Variants in CFAP54 observed in about 807,000 individuals in gnomAD.
The protein encoded by CFAP54 is cilia- and flagella-associated protein 54.
A neutral mutation model predicts 370.4 loss-of-function variants in CFAP54; 290 were observed. The observed-to-expected ratio is 0.78, with a 90% CI of 0.71 to 0.86. CFAP54 has a LOEUF of 0.86. Among genes scored for constraint, CFAP54 ranks in the 40% least tolerant of loss-of-function variants. The pLI is 0.00. For missense variants in CFAP54, 3,399 were observed against 3,528.7 expected, an observed-to-expected ratio of 0.96 and a Z score of 0.93; for synonymous variants, 1,206 against 1,236.5, an observed-to-expected ratio of 0.98 and a Z score of 0.52.
In CFAP54 at chr12:96,742,472, G is replaced by C. The variant is rs1477455041; in HGVS notation, c.7105G>C (p.Asp2369His). ...TENKDDSEFL[D>H]PISLNAREYF... ...AAATAAAGATGACAGTGAGTTTTTAGATCCTATTTCCCTAAATGCCCGAGA... is the reference window on the plus strand; with the variant it reads ...AAATAAAGATGACAGTGAGTTTTTACATCCTATTTCCCTAAATGCCCGAGA... The change falls in exon 52 of 68, where the codon GAT becomes CAT. Residue 2369 changes from aspartate to histidine, a missense_variant. Transcript: ENST00000524981. 8.1e-6 allele frequency: 13 copies of C among 1,599,728 alleles called. No homozygotes were observed. The highest frequency in any genetic ancestry group is 2.7e-5 in the African/African-American group (2 of 74,414).
At chr12:96,827,216 T>C (rs1469274571) in intron 65 of CFAP54, among the ~76,000 whole-genome samples, 1 of 22,752 alleles carries the variant, frequency 4.4e-5, no homozygotes, top group Admixed American at 6.0e-4. Context: ...CAGTTATATG[T>C]GATTATATAT....
intron 4 of CFAP54, among the ~76,000 whole-genome samples, chr12:96,511,114 GGTA>G (rs1435474795): frequency 6.6e-6 from 1 of 152,088 alleles, no homozygotes; most frequent in Admixed American, 6.6e-5. Context: ...AGGTGCTGGG[GGTA>G]GTCACATGAA....
chr12:96,737,496 G>GT (rs398039990), intron 50 of CFAP54, among the ~76,000 whole-genome samples: 53,219 of 143,378 alleles, frequency 0.37, 10,757 homozygotes, highest in East Asian at 0.68. Flanking sequence ...TATATGTTTT[G>GT]TTTTTTTTTT....
chr12:96,743,116 A>T (rs1334566432), intron 52 of CFAP54, among the ~76,000 whole-genome samples: 1 of 152,206 alleles, frequency 6.6e-6, no homozygotes, highest in East Asian at 1.9e-4. Context: ...ATTAATCATT[A>T]TCTATTTGTA....
chr12:96,826,469 T>A (rs1382137553), intron 65 of CFAP54, among the ~76,000 whole-genome samples: 1 of 120,206 alleles, frequency 8.3e-6, no homozygotes, highest in Non-Finnish European at 1.6e-5. Flanking sequence ...TACTATATAT[T>A]ATATAATATA....
chr12:96,860,951 C>A lies in CFAP54; in HGVS notation c.*13C>A. On this transcript the variant is annotated splice_region_variant and 3_prime_UTR_variant, in exon 67 of 68. Coordinates refer to ENST00000524981, the MANE Select transcript of CFAP54 (RefSeq NM_001306084.2). ...AATTATTCCCTGAATATCCTATACA[C>A]GGTAACCTTATACAGGATTTAATTG... 1 of 1,524,686 alleles carries A rather than the reference C, an allele frequency of 6.6e-7. No homozygotes were observed. The highest frequency in any genetic ancestry group is 8.8e-7 in the Non-Finnish European group (1 of 1,142,478). The allele number at this position is 1,524,686 out of a possible 1,614,324, so 94.4% of individuals were successfully genotyped here.
Position 96,711,742 on chromosome 12 carries a change from C to T in CFAP54, c.6724+2939C>T, listed in dbSNP as rs140769864. Among the ~76,000 whole-genome samples the T allele has an allele frequency of 1.5e-4, 23 of 152,290 alleles. No individual in the cohort carries two copies. In the East Asian group the frequency reaches 4.4e-3, roughly 29 times the overall value. On this transcript the variant is annotated intron_variant, in intron 48 of 67. Transcript: ENST00000524981. Reference sequence around the variant, plus strand: ...AGCATTAAAAAACCAATAATTTTTACTAATTTAATGGTAAAGTGGGTTCAT... The same window carrying T: ...AGCATTAAAAAACCAATAATTTTTATTAATTTAATGGTAAAGTGGGTTCAT...
intron 19 of CFAP54, chr12:96,564,993 A>G (rs1247444473): frequency 3.7e-6 from 1 of 269,444 alleles, no homozygotes. Flanking sequence ...TCTACATGAG[A>G]AGACAAATAA....
chr12:96,603,104 CTTT>C (rs1477455315), intron 26 of CFAP54, among the ~76,000 whole-genome samples: 1 of 152,108 alleles, frequency 6.6e-6, no homozygotes, highest in Non-Finnish European at 1.5e-5. Context: ...CCAGTTGTTC[CTTT>C]CTATGTTTAG....
intron 17 of CFAP54, among the ~76,000 whole-genome samples, chr12:96,560,179 A>G (rs377087819): frequency 5.3e-5 from 8 of 152,274 alleles, no homozygotes; most frequent in African/African-American, 1.9e-4. Flanking sequence ...ATTATTGTTA[A>G]CTATAGCCAC....
Position 96,756,569 on chromosome 12 carries a change from A to G in CFAP54, c.7946+6A>G, listed in dbSNP as rs1276565976. 2 of 1,549,218 alleles carry G rather than the reference A, an allele frequency of 1.3e-6. No individual in the cohort carries two copies. Among genetic ancestry groups the G allele is most frequent in the South Asian group, 2.3e-5 (2 of 88,498 alleles). ...AAAAATGATCAAAACTCAGGGTAAA[A>G]AGATATTCCATTGTTGTAGCTGTGT... On this transcript the variant is annotated splice_donor_region_variant and intron_variant, in intron 57 of 67. Transcript: ENST00000524981.
At chr12:96,850,035 A>T (rs1049921038) in intron 66 of CFAP54, among the ~76,000 whole-genome samples, 2 of 152,154 alleles carry the variant, frequency 1.3e-5, no homozygotes, top group African/African-American at 4.8e-5. Flanking sequence ...TCCCTTTGGC[A>T]GCCCTAGAGT....
At chr12:96,570,164 C>T (rs957823484) in intron 19 of CFAP54, among the ~76,000 whole-genome samples, 1 of 151,764 alleles carries the variant, frequency 6.6e-6, no homozygotes, top group African/African-American at 2.4e-5. Flanking sequence ...TGTAAAGATG[C>T]GGTTTTGTCA....
intron 5 of CFAP54, among the ~76,000 whole-genome samples, chr12:96,516,462 A>G (rs1955236825): frequency 6.6e-6 from 1 of 152,164 alleles, no homozygotes; most frequent in Admixed American, 6.5e-5. Context: ...CTTCCTAAAG[A>G]CATCCTGAAA....
chr12:96,498,726 A>T (rs1279764279), intron 1 of CFAP54, among the ~76,000 whole-genome samples: 1 of 152,200 alleles, frequency 6.6e-6, no homozygotes, highest in Non-Finnish European at 1.5e-5. Context: ...TTTGGTGATG[A>T]GTTTGAATAT....
At chr12:96,663,974 C>T (rs753202464) in intron 39 of CFAP54, 42 bp downstream of exon 39, 43 of 1,440,422 alleles carry the variant, frequency 3.0e-5, no homozygotes, top group Admixed American at 2.1e-4. Context: ...TTCTCTAAAT[C>T]GAGGTTTGCC....
intron 39 of CFAP54, among the ~76,000 whole-genome samples, chr12:96,666,175 C>T (rs1191796476): frequency 6.6e-6 from 1 of 152,140 alleles, no homozygotes; most frequent in African/African-American, 2.4e-5. Context: ...GGTTGTTTTG[C>T]ACATTTTTTT....
At chr12:96,776,446 T>A (rs528411531) in intron 60 of CFAP54, among the ~76,000 whole-genome samples, 1 of 152,306 alleles carries the variant, frequency 6.6e-6, no homozygotes, top group African/African-American at 2.4e-5. Flanking sequence ...TTAACATAAA[T>A]AGCATATTAC....
chr12:96,618,029 G>A (rs1193101530), intron 26 of CFAP54, among the ~76,000 whole-genome samples: 3 of 147,420 alleles, frequency 2.0e-5, no homozygotes, highest in East Asian at 4.0e-4. Context: ...GGCCTACTCC[G>A]ACCCCCAAAA....
Sources: gnomAD v4.1 joint callset for allele counts (sites outside exome capture counted in the v4.1 genomes callset) on GRCh38, gnomAD v4.1.1 for gene constraint, MANE v1.5 for transcripts, NCBI Gene and HGNC (gene_info 2026-07-23, HGNC 2026-07-21) for gene names.